Variants in ZPBP observed in about 807,000 individuals in gnomAD.
The protein encoded by ZPBP is zona pellucida binding protein.
A neutral mutation model predicts 44.8 loss-of-function variants in ZPBP; 26 were observed. That is an observed-to-expected ratio of 0.58 (90% CI 0.43 to 0.81). The LOEUF is 0.81. Ranked by LOEUF, ZPBP falls within the 30% of genes least tolerant of loss-of-function variation. ZPBP has a pLI of 0.00. For synonymous variants in ZPBP, 174 were observed against 153.2 expected, an observed-to-expected ratio of 1.14 and a Z score of -1.00; for missense variants, 409 against 434.0, an observed-to-expected ratio of 0.94 and a Z score of 0.51.
intron 4 of ZPBP, among the ~76,000 whole-genome samples, chr7:50,041,608 G>A (rs762801389): frequency 1.2e-4 from 18 of 152,096 alleles, no homozygotes; most frequent in Non-Finnish European, 2.1e-4. Context: ...GAGTAGCATC[G>A]ACATCAACAA....
chr7:49,857,564 A>G (rs1218807802), intron 2 of ZPBP, among the ~76,000 whole-genome samples: 1 of 152,206 alleles, frequency 6.6e-6, no homozygotes, highest in African/African-American at 2.4e-5. Context: ...AACATTGCTA[A>G]TCATCAGGGA....
chr7:50,052,728 C>T (rs1800754772), intron 4 of ZPBP, among the ~76,000 whole-genome samples: 1 of 152,086 alleles, frequency 6.6e-6, no homozygotes, highest in African/African-American at 2.4e-5. Flanking sequence ...AGTCATTAAA[C>T]AAACTGTGGT....
At chr7:50,070,481 G>A (rs1031324091) in intron 3 of ZPBP, among the ~76,000 whole-genome samples, 7 of 152,200 alleles carry the variant, frequency 4.6e-5, no homozygotes, top group Admixed American at 1.3e-4. Flanking sequence ...AAGCTCTCCC[G>A]TGGTGCGCCT....
At chr7:50,014,349 A>G (rs1029469732) in intron 6 of ZPBP, among the ~76,000 whole-genome samples, 4 of 152,272 alleles carry the variant, frequency 2.6e-5, no homozygotes, top group African/African-American at 9.6e-5. Flanking sequence ...CTGACAAAAG[A>G]TAATGAAGAA....
At chr7:49,851,124 C>A (rs946914631) in intron 2 of ZPBP, among the ~76,000 whole-genome samples, 6 of 152,172 alleles carry the variant, frequency 3.9e-5, no homozygotes, top group Non-Finnish European at 8.8e-5. Context: ...TAGTGGCTGC[C>A]CGCCACCCTG....
chr7:49,844,788 G>A, the ZPBP span, among the ~76,000 whole-genome samples: 11 of 152,062 alleles, frequency 7.2e-5, no homozygotes, highest in African/African-American at 2.7e-4. Context: ...TGCCTCCTGG[G>A]TTCAAGCGAT....
intron 5 of ZPBP, among the ~76,000 whole-genome samples, chr7:50,030,208 T>C (rs1799539933): frequency 6.6e-6 from 1 of 150,568 alleles, no homozygotes; most frequent in Non-Finnish European, 1.5e-5. Context: ...AAACTCTCAA[T>C]GTATTTCTGG....
intron 5 of ZPBP, among the ~76,000 whole-genome samples, chr7:50,023,804 A>G (rs1263787916): frequency 6.6e-6 from 1 of 152,104 alleles, no homozygotes; most frequent in Non-Finnish European, 1.5e-5. Flanking sequence ...AGAGAAATGG[A>G]AACTCTAAGA....
intron 2 of ZPBP, among the ~76,000 whole-genome samples, chr7:49,874,568 G>A (rs1317222415): frequency 1.3e-5 from 2 of 151,748 alleles, no homozygotes; most frequent in Non-Finnish European, 2.9e-5. Flanking sequence ...GTGTGTGTGT[G>A]TGTATGTATA....
chr7:50,013,581 T>C (rs1467249963), intron 6 of ZPBP, among the ~76,000 whole-genome samples: 1 of 152,074 alleles, frequency 6.6e-6, no homozygotes, highest in South Asian at 2.1e-4. Flanking sequence ...TAATTTTTAT[T>C]AATAATATTG....
downstream of ZPBP, among the ~76,000 whole-genome samples, chr7:49,933,674 T>G (rs1370266594): frequency 6.6e-6 from 1 of 152,130 alleles, no homozygotes; most frequent in African/African-American, 2.4e-5. Context: ...AATGATAGAC[T>G]GGATTAAGAA....
chr7:49,926,911 C>T (rs1188495098), intron 1 of ZPBP, among the ~76,000 whole-genome samples: 3 of 152,188 alleles, frequency 2.0e-5, no homozygotes, highest in Non-Finnish European at 4.4e-5. Context: ...GAAATTCTCA[C>T]ATAGCCGGGA....
At chr7:49,880,779 T>C (rs1022298045) in intron 2 of ZPBP, among the ~76,000 whole-genome samples, 2 of 152,008 alleles carry the variant, frequency 1.3e-5, no homozygotes, top group African/African-American at 2.4e-5. Context: ...CATGTATACA[T>C]AGGCATTTGT....
intron 2 of ZPBP, among the ~76,000 whole-genome samples, chr7:50,086,181 T>G (rs1802638075): frequency 6.6e-6 from 1 of 152,098 alleles, no homozygotes; most frequent in Non-Finnish European, 1.5e-5. Flanking sequence ...AGAAACTCAC[T>G]GAACAAATAC....
At chr7:49,879,896 C>T (rs1791596652) in intron 2 of ZPBP, among the ~76,000 whole-genome samples, 1 of 152,094 alleles carries the variant, frequency 6.6e-6, no homozygotes, top group African/African-American at 2.4e-5. Flanking sequence ...GGTATGCAGT[C>T]TTACCAGCAG....
intron 5 of ZPBP, among the ~76,000 whole-genome samples, chr7:50,023,164 G>A (rs192868035): frequency 3.9e-5 from 6 of 152,092 alleles, no homozygotes; most frequent in African/African-American, 1.2e-4. Flanking sequence ...ATGACCTGGC[G>A]GAAGGGAAAT....
In ZPBP at chr7:50,058,049, C is replaced by T. The variant is rs148913753; in HGVS notation, c.427G>A (p.Glu143Lys). 3.7e-5 allele frequency: 59 copies of T among 1,613,194 alleles called. No individual in the cohort carries two copies. Among genetic ancestry groups the T allele is most frequent in the Middle Eastern group, 3.4e-4 (2 of 5,866 alleles). Reference sequence around the variant, plus strand: ...ATTTCTTCCACAGTAGGTTTATATTCGAGGAAACATGTATAAATTCCACTC... The same window carrying T: ...ATTTCTTCCACAGTAGGTTTATATTTGAGGAAACATGTATAAATTCCACTC... ...SMSGIYTCFL[E>K]YKPTVEEIVK... The change falls in exon 4 of 8, where the codon GAA becomes AAA. Residue 143 changes from glutamate to lysine, a missense_variant. By Grantham distance (56) the Glu-to-Lys change is moderately conservative (BLOSUM62 1). This residue lies in a region of ZPBP where 367 missense variants were observed against 363.1 expected (regional missense o/e 1.01). Coordinates refer to ENST00000046087, the MANE Select transcript of ZPBP (RefSeq NM_007009.3).
At chr7:49,878,751 G>C (rs1033793520) in intron 2 of ZPBP, among the ~76,000 whole-genome samples, 1 of 152,078 alleles carries the variant, frequency 6.6e-6, no homozygotes, top group African/African-American at 2.4e-5. Context: ...CTGTACTGCT[G>C]ATATTTTAAT....
chr7:49,866,187 A>G (rs986004025), intron 2 of ZPBP, among the ~76,000 whole-genome samples: 2 of 152,254 alleles, frequency 1.3e-5, no homozygotes, highest in South Asian at 2.1e-4. Flanking sequence ...TCACTTGCTT[A>G]TCTTATCAGA....
Sources: allele counts gnomAD v4.1 joint callset (sites outside exome capture counted in the v4.1 genomes callset), GRCh38; gene constraint gnomAD v4.1.1; regional missense constraint gnomAD v4.1.1; transcripts MANE v1.5; gene names NCBI Gene and HGNC (gene_info 2026-07-23, HGNC 2026-07-21).